FAM53B: variants seen among roughly 807,000 people sequenced by gnomAD.
FAM53B encodes protein FAM53B.
A neutral mutation model predicts 32.7 loss-of-function variants in FAM53B; 12 were observed. The observed-to-expected ratio is 0.37, with a 90% CI of 0.24 to 0.59. The LOEUF is 0.59. Among genes scored for constraint, FAM53B ranks in the 20% least tolerant of loss-of-function variants. FAM53B has a pLI of 0.72. For synonymous variants in FAM53B, 234 were observed against 228.7 expected (o/e 1.02, Z -0.21); for missense variants, 477 against 577.7 (o/e 0.83, Z 1.79).
At chr10:124,707,331 C>CGGCCCTCAGGCT (rs1355013500) in intron 1 of FAM53B, among the ~76,000 whole-genome samples, 1 of 152,174 alleles carries the variant, frequency 6.6e-6, no homozygotes, top group Non-Finnish European at 1.5e-5. Flanking sequence ...CCAAAGGGGT[C>CGGCCCTCAGGCT]GGCCCTCAGG....
rs947067235 is a variant in FAM53B at position 124,668,250 on chromosome 10, C to T, written c.906+13357G>A. On this transcript the variant is annotated intron_variant, in intron 4 of 4. Coordinates refer to ENST00000337318, the MANE Select transcript of FAM53B (RefSeq NM_014661.4). The stretch of plus-strand genomic sequence containing the variant: ...TAATCAGCCAACATCTGCGGAAATG[C>T]TCTCCCCAAACACACGGCCATCTCG... Among the ~76,000 whole-genome samples the T allele has an allele frequency of 5.3e-5, 8 of 152,248 alleles. No individual in the cohort carries two copies. The South Asian group carries it at 8.3e-4, about 16-fold the overall frequency.
In FAM53B at chr10:124,679,807, C is replaced by G. The variant is rs895665423; in HGVS notation, c.906+1800G>C. ...ATCTATACAACTGGGCGCAGCCCCA[C>G]TGAGCAATGTATTTTTAAATAGTTT... On this transcript the variant is annotated intron_variant, in intron 4 of 4. Transcript: ENST00000337318. 2.0e-5 allele frequency among the ~76,000 whole-genome samples: 3 copies of G among 152,266 alleles called. No homozygotes were observed. In the East Asian group the frequency reaches 5.8e-4, roughly 29 times the overall value.
At chr10:124,715,373 G>A (rs1168503112) in intron 1 of FAM53B, among the ~76,000 whole-genome samples, 2 of 152,232 alleles carry the variant, frequency 1.3e-5, no homozygotes, top group African/African-American at 4.8e-5. Context: ...TGCAGAGGGT[G>A]AAGTGTCTTC....
At chr10:124,699,892 C>A (rs1949903286) in intron 2 of FAM53B, among the ~76,000 whole-genome samples, 1 of 152,236 alleles carries the variant, frequency 6.6e-6, no homozygotes, top group Non-Finnish European at 1.5e-5. Context: ...CCTGCCCTTT[C>A]TGAGGCCCGA....
intron 3 of FAM53B, among the ~76,000 whole-genome samples, chr10:124,695,820 A>T (rs1949865187): frequency 6.6e-6 from 1 of 152,226 alleles, no homozygotes; most frequent in African/African-American, 2.4e-5. Context: ...ACATACACAA[A>T]AATATCAACA....
chr10:124,669,611 C>T (rs1949694716), intron 4 of FAM53B, among the ~76,000 whole-genome samples: 1 of 152,214 alleles, frequency 6.6e-6, no homozygotes, highest in Admixed American at 6.5e-5. Flanking sequence ...AGGATGTCAC[C>T]ATCCCTACCT....
In FAM53B at chr10:124,651,982, G is replaced by A. The variant is rs955659590; in HGVS notation, c.907-28378C>T. Among the ~76,000 whole-genome samples the A allele has an allele frequency of 1.3e-5, 2 of 152,230 alleles. No homozygotes were observed. Among genetic ancestry groups the A allele is most frequent in the Non-Finnish European group, 2.9e-5 (2 of 68,034 alleles). ...TGAGCAATGTGAACTCAGGGGCCAG[G>A]AAGCGAGGCCCCTGCCCTCCAGGAG... On this transcript the variant is annotated intron_variant, in intron 4 of 4. Transcript: ENST00000337318. The surrounding 1 kb of genome is among the most constrained non-coding windows in gnomAD (Gnocchi z 5.2).
intron 2 of FAM53B, among the ~76,000 whole-genome samples, chr10:124,701,357 A>C (rs766045883): frequency 6.6e-6 from 1 of 152,228 alleles, no homozygotes; most frequent in Non-Finnish European, 1.5e-5. Context: ...TGTTCTAGCT[A>C]CCAGATCAGC....
At chr10:124,657,094 A>G (rs1213158605) in intron 4 of FAM53B, among the ~76,000 whole-genome samples, 3 of 56,540 alleles carry the variant, frequency 5.3e-5, no homozygotes, top group Non-Finnish European at 1.8e-4. Flanking sequence ...GTGTGTATAT[A>G]TATGTGTATA....
rs1007589967 is a variant in FAM53B, at chr10:124,682,869, G to A, written c.134-490C>T. Among the ~76,000 whole-genome samples the A allele has an allele frequency of 7.9e-5, 12 of 152,206 alleles. No homozygotes were observed. The South Asian group carries it at 8.3e-4, about 11-fold the overall frequency. On this transcript the variant is annotated intron_variant, in intron 3 of 4. Coordinates refer to ENST00000337318, the MANE Select transcript of FAM53B (RefSeq NM_014661.4). This position sits in a 1 kb window ranked among gnomAD's most constrained non-coding sequence, Gnocchi z 5.2. The stretch of plus-strand genomic sequence containing the variant: ...ACAACCAAAGATGTCTCAACAGCTC[G>A]GATGGCCAAGGCCAAAAGATGGCTG...
chr10:124,674,977 AAC>A (rs1237288276), intron 4 of FAM53B, among the ~76,000 whole-genome samples: 9 of 152,232 alleles, frequency 5.9e-5, no homozygotes, highest in Non-Finnish European at 7.3e-5. Context: ...TAGCTTCTCA[AAC>A]ATTCTCTGCT....
intron 3 of FAM53B, among the ~76,000 whole-genome samples, chr10:124,690,406 G>A (rs1214981851): frequency 6.6e-6 from 1 of 152,244 alleles, no homozygotes; most frequent in African/African-American, 2.4e-5. Flanking sequence ...GTAGACCCAA[G>A]GTCATGCTCT....
In FAM53B at chr10:124,619,758, T is replaced by G. The variant is rs1476466414; in HGVS notation, c.*3484A>C. The G allele has an allele frequency of 6.6e-6, 1 of 152,664 alleles. No individual in the cohort carries two copies. The highest frequency in any genetic ancestry group is 1.5e-5 in the Non-Finnish European group (1 of 68,062). 9.5% of individuals were successfully genotyped at this position (152,664 alleles called of 1,614,324 possible). On this transcript the variant is annotated 3_prime_UTR_variant, in exon 5 of 5. Transcript: ENST00000337318. Reference sequence around the variant, plus strand: ...GCAAGGTGTGGCATCATTGCCAGTGTGGGGCCAGAGGGTGCCCGAGCCCCG... The same window carrying G: ...GCAAGGTGTGGCATCATTGCCAGTGGGGGGCCAGAGGGTGCCCGAGCCCCG...
chr10:124,729,949 C>G (rs1950130167), intron 1 of FAM53B, among the ~76,000 whole-genome samples: 1 of 152,176 alleles, frequency 6.6e-6, no homozygotes. Context: ...ATTTATGGAC[C>G]AAGCAAGACA....
chr10:124,671,710 A>G (rs1190389265), intron 4 of FAM53B, among the ~76,000 whole-genome samples: 1 of 152,172 alleles, frequency 6.6e-6, no homozygotes, highest in Non-Finnish European at 1.5e-5. Flanking sequence ...TACTGCTCAC[A>G]AACTAAGCCT....
At chr10:124,701,568 G>A (rs1052008980) in intron 2 of FAM53B, among the ~76,000 whole-genome samples, 39 of 152,252 alleles carry the variant, frequency 2.6e-4, no homozygotes, top group Non-Finnish European at 4.6e-4. Flanking sequence ...TGGCCTGAGT[G>A]TGGGCGTGCG....
At position 124,683,431 on chromosome 10, in the gene FAM53B, G is replaced by T. The variant is rs539414267; in HGVS notation, c.134-1052C>A. 3.9e-5 allele frequency among the ~76,000 whole-genome samples: 6 copies of T among 152,330 alleles called. No homozygotes were observed. The South Asian group carries it at 1.2e-3, about 32-fold the overall frequency. On this transcript the variant is annotated intron_variant, in intron 3 of 4. Coordinates refer to ENST00000337318, the MANE Select transcript of FAM53B (RefSeq NM_014661.4). ...TAAATCATGCACATGTGAATGGCTTGAGTCAGTCAAGAGAAGAATAGAAGT... is the reference window on the plus strand; with the variant it reads ...TAAATCATGCACATGTGAATGGCTTTAGTCAGTCAAGAGAAGAATAGAAGT...
Position 124,621,931 on chromosome 10 carries a change from G to A in FAM53B, c.*1311C>T, listed in dbSNP as rs1464108454. The A allele has an allele frequency of 6.6e-6, 1 of 152,480 alleles. No homozygotes were observed. The highest frequency in any genetic ancestry group is 1.5e-5 in the Non-Finnish European group (1 of 68,050). The allele number at this position is 152,480 out of a possible 1,614,324, so 9.4% of individuals were successfully genotyped here. A position where few individuals can be genotyped will look rare whatever the true frequency, so the allele number is the denominator to read the frequency against. On this transcript the variant is annotated 3_prime_UTR_variant, in exon 5 of 5. Transcript: ENST00000337318. The stretch of plus-strand genomic sequence containing the variant: ...ATTCGCTAAAAGCCAGATTCCCATA[G>A]AGCAGAGCCCATGTGGTGGTGTCTG...
At chr10:124,705,572 C>G (rs1949950527) in intron 2 of FAM53B, 1 of 152,328 alleles carries the variant, frequency 6.6e-6, no homozygotes, top group Non-Finnish European at 1.5e-5. Context: ...GTATTCACAG[C>G]TCTCCAGACA....
Sources: allele counts gnomAD v4.1 joint callset (sites outside exome capture counted in the v4.1 genomes callset), GRCh38; gene constraint gnomAD v4.1.1; non-coding constraint Gnocchi (gnomAD v3.1); transcripts MANE v1.5; gene names NCBI Gene and HGNC (gene_info 2026-07-23, HGNC 2026-07-21).